The following PCDH17 variants were observed in gnomAD, a reference collection of about 807,000 sequenced individuals.
PCDH17 encodes protocadherin 17, also known as protocadherin-17.
A neutral mutation model predicts 67.7 loss-of-function variants in PCDH17; 21 were observed. That is an observed-to-expected ratio of 0.31 (90% CI 0.22 to 0.45). PCDH17 has a LOEUF of 0.45. PCDH17 is among the 20% of genes least tolerant of loss of function. The pLI, the probability that PCDH17 is intolerant of heterozygous loss-of-function variation, is 1.00. For missense variants in PCDH17, 1,471 were observed against 1,564.8 expected (o/e 0.94, Z 1.01); for synonymous variants, 701 against 656.7 (o/e 1.07, Z -1.03).
In PCDH17 at chr13:57,707,362, T is replaced by C. The variant is rs544049676; in HGVS notation, c.2798-17250T>C. On this transcript the variant is annotated intron_variant, in intron 3 of 3. Coordinates refer to ENST00000377918, the MANE Select transcript of PCDH17 (RefSeq NM_001040429.3). The stretch of plus-strand genomic sequence containing the variant: ...GTGTGTGTGTGTGTGTGTGTGTGTG[T>C]GTGTGTGTGTTCATAATAAAAGCTT... Among the ~76,000 whole-genome samples, 8 of 151,926 alleles carry C rather than the reference T, an allele frequency of 5.3e-5. No individual in the cohort carries two copies. In the South Asian group the frequency reaches 1.7e-3, roughly 32 times the overall value.
At chr13:57,676,148 G>A (rs950504353) in intron 3 of PCDH17, among the ~76,000 whole-genome samples, 27 of 151,696 alleles carry the variant, frequency 1.8e-4, no homozygotes, top group African/African-American at 6.3e-4. Context: ...ATCTCTTAAT[G>A]TCTGATGCTT....
intron 1 of PCDH17, among the ~76,000 whole-genome samples, chr13:57,643,973 A>T (rs1198338189): frequency 6.6e-6 from 1 of 151,812 alleles, no homozygotes; most frequent in Non-Finnish European, 1.5e-5. Flanking sequence ...TTAGAAAACA[A>T]TACAAATGTT....
intron 3 of PCDH17, among the ~76,000 whole-genome samples, chr13:57,718,986 T>C (rs1335997818): frequency 2.0e-5 from 3 of 151,926 alleles, no homozygotes; most frequent in African/African-American, 7.3e-5. Flanking sequence ...AGATAAAGAA[T>C]TTGTGATGGG....
chr13:57,703,593 A>G (rs2138078843), intron 3 of PCDH17, among the ~76,000 whole-genome samples: 1 of 152,268 alleles, frequency 6.6e-6, no homozygotes, highest in Non-Finnish European at 1.5e-5. Flanking sequence ...ATTAATTATT[A>G]TAACTCAAAT....
intron 3 of PCDH17, chr13:57,709,834 C>G (rs1955759093): frequency 6.6e-6 from 1 of 152,186 alleles, no homozygotes; most frequent in African/African-American, 2.4e-5. Flanking sequence ...TAAAACTATA[C>G]ATTTGCAAGG....
chr13:57,643,962 T>A (rs1484331954), intron 1 of PCDH17, among the ~76,000 whole-genome samples: 1 of 151,770 alleles, frequency 6.6e-6, no homozygotes, highest in African/African-American at 2.4e-5. Flanking sequence ...CATTTATCAT[T>A]TTAGAAAACA....
chr13:57,647,787 G>A (rs766844404), intron 1 of PCDH17, among the ~76,000 whole-genome samples: 6 of 151,664 alleles, frequency 4.0e-5, no homozygotes, highest in Non-Finnish European at 7.4e-5. Context: ...TCCTCTTGTG[G>A]TTCTTCGGGC....
At chr13:57,643,293 A>T (rs764412714) in intron 1 of PCDH17, among the ~76,000 whole-genome samples, 3 of 151,596 alleles carry the variant, frequency 2.0e-5, no homozygotes, top group Non-Finnish European at 1.5e-5. Flanking sequence ...ATATGCTTAA[A>T]ATTTTAGCAA....
intron 3 of PCDH17, among the ~76,000 whole-genome samples, chr13:57,723,200 G>A (rs991157254): frequency 6.6e-6 from 1 of 151,890 alleles, no homozygotes; most frequent in Non-Finnish European, 1.5e-5. Flanking sequence ...TTTTTTTTGA[G>A]GTTTCACAGG....
chr13:57,679,058 G>A (rs553286780), intron 3 of PCDH17, among the ~76,000 whole-genome samples: 5 of 151,004 alleles, frequency 3.3e-5, no homozygotes, highest in African/African-American at 7.3e-5. Context: ...CACTAAATAG[G>A]GTAAACTAAT....
At chr13:57,684,733 T>C (rs1439940202) in intron 3 of PCDH17, among the ~76,000 whole-genome samples, 1 of 152,016 alleles carries the variant, frequency 6.6e-6, no homozygotes. Flanking sequence ...TATGCTTTTA[T>C]GAATAGATGA....
intron 3 of PCDH17, among the ~76,000 whole-genome samples, chr13:57,706,743 C>T (rs1408043280): frequency 6.6e-6 from 1 of 152,126 alleles, no homozygotes; most frequent in African/African-American, 2.4e-5. Context: ...TAGATCCTTC[C>T]TCAGTAACTC....
chr13:57,713,063 C>T (rs1377461201), intron 3 of PCDH17, among the ~76,000 whole-genome samples: 2 of 151,608 alleles, frequency 1.3e-5, no homozygotes, highest in Non-Finnish European at 3.0e-5. Flanking sequence ...AAATAGCCCT[C>T]TCCAGTAGCT....
chr13:57,635,206 G>A (rs1348578953), intron 1 of PCDH17, 95 bp downstream of exon 1: 3 of 1,238,166 alleles, frequency 2.4e-6, no homozygotes, highest in African/African-American at 3.0e-5. Context: ...TCTGCCAGCA[G>A]CAGTGAGGGG....
intron 3 of PCDH17, among the ~76,000 whole-genome samples, chr13:57,702,146 G>A (rs1475787090): frequency 6.6e-6 from 1 of 152,064 alleles, no homozygotes; most frequent in Non-Finnish European, 1.5e-5. Context: ...TCGAGCTCCT[G>A]ACCTCTGGTG....
chr13:57,687,544 AT>A, intron 3 of PCDH17, among the ~76,000 whole-genome samples: 1 of 152,074 alleles, frequency 6.6e-6, no homozygotes, highest in South Asian at 2.1e-4. Context: ...AAGCTAACTC[AT>A]TTTTTTAAAA....
chr13:57,704,871 C>T (rs1955705720), intron 3 of PCDH17, among the ~76,000 whole-genome samples: 1 of 151,964 alleles, frequency 6.6e-6, no homozygotes, highest in Admixed American at 6.6e-5. Flanking sequence ...GTAGGATCTG[C>T]ACTTGCTAAG....
At chr13:57,700,139 A>G (rs1955648285) in intron 3 of PCDH17, among the ~76,000 whole-genome samples, 2 of 152,142 alleles carry the variant, frequency 1.3e-5, no homozygotes, top group Admixed American at 1.3e-4. Context: ...AAATATAGAG[A>G]TACATAAAGT....
chr13:57,642,396 A>G (rs1319727954), intron 1 of PCDH17, among the ~76,000 whole-genome samples: 1 of 151,648 alleles, frequency 6.6e-6, no homozygotes, highest in Non-Finnish European at 1.5e-5. Flanking sequence ...AACATTGGTT[A>G]CATGTTTGTA....
Sources: allele counts gnomAD v4.1 joint callset (sites outside exome capture counted in the v4.1 genomes callset), GRCh38; gene constraint gnomAD v4.1.1; transcripts MANE v1.5; gene names NCBI Gene and HGNC (gene_info 2026-07-23, HGNC 2026-07-21).